The following RABGAP1L variants were observed in gnomAD, a reference collection of about 807,000 sequenced individuals.
RABGAP1L encodes rab GTPase-activating protein 1-like.
A neutral mutation model predicts 137.7 loss-of-function variants in RABGAP1L; 63 were observed. The ratio of observed to expected loss-of-function variants is 0.46; its 90% CI spans 0.37 to 0.56. The LOEUF (loss-of-function observed/expected upper bound fraction) is 0.56, where lower values mean the gene tolerates loss of function less well. RABGAP1L is among the 20% of genes least tolerant of loss of function. RABGAP1L has a pLI of 0.00. For synonymous variants in RABGAP1L, 431 were observed against 433.7 expected (o/e 0.99, Z 0.08); for missense variants, 1,095 against 1,244.0 (o/e 0.88, Z 1.80).
chr1:174,232,869 AC>A (rs1422732278), intron 4 of RABGAP1L, among the ~76,000 whole-genome samples: 1 of 151,826 alleles, frequency 6.6e-6, no homozygotes, highest in African/African-American at 2.4e-5. Context: ...GGCACTGTTG[AC>A]CTACTGCTCC....
At chr1:174,751,596 A>G (rs150401777) in intron 17 of RABGAP1L, among the ~76,000 whole-genome samples, 181 of 152,338 alleles carry the variant, frequency 1.2e-3, no homozygotes, top group African/African-American at 4.1e-3. Flanking sequence ...TTTTGAATTT[A>G]ATAACTCAAT....
intron 15 of RABGAP1L, among the ~76,000 whole-genome samples, chr1:174,690,490 G>A (rs1383834726): frequency 2.0e-5 from 3 of 151,990 alleles, no homozygotes; most frequent in Admixed American, 6.6e-5. Context: ...TATCAAATGG[G>A]GTCATGAATG....
chr1:174,796,137 T>A (rs1688224974), intron 18 of RABGAP1L, among the ~76,000 whole-genome samples: 1 of 152,206 alleles, frequency 6.6e-6, no homozygotes, highest in South Asian at 2.1e-4. Context: ...TTCTTTTCTC[T>A]TATTCCATTT....
chr1:174,759,603 A>G (rs549472092), intron 18 of RABGAP1L, among the ~76,000 whole-genome samples: 51 of 152,148 alleles, frequency 3.4e-4, no homozygotes, highest in Non-Finnish European at 6.8e-4. Flanking sequence ...TCCAAAAAAA[A>G]AAAAAGAAAA....
chr1:174,927,655 G>A (rs778854229), intron 19 of RABGAP1L, among the ~76,000 whole-genome samples: 6 of 152,124 alleles, frequency 3.9e-5, no homozygotes, highest in African/African-American at 1.4e-4. Flanking sequence ...AGGTTCAAGC[G>A]ATTTTCCTGC....
intron 21 of RABGAP1L, 93 bp from the exon 22 acceptor site, chr1:174,975,985 C>A: frequency 2.6e-6 from 3 of 1,150,222 alleles, no homozygotes; most frequent in Non-Finnish European, 3.8e-6. Flanking sequence ...TTTGGAACAG[C>A]AACTGAAGAT....
chr1:174,804,241 G>T (rs1689030384), intron 18 of RABGAP1L, among the ~76,000 whole-genome samples: 1 of 135,394 alleles, frequency 7.4e-6, no homozygotes, highest in Admixed American at 7.5e-5. Context: ...TTTCCCTGCG[G>T]ATGTTTTTTT....
At chr1:174,318,390 A>G (rs1679597426) in intron 11 of RABGAP1L, among the ~76,000 whole-genome samples, 1 of 152,148 alleles carries the variant, frequency 6.6e-6, no homozygotes, top group African/African-American at 2.4e-5. Context: ...AGTTTCAGGT[A>G]AACTTTTCTC....
intron 19 of RABGAP1L, among the ~76,000 whole-genome samples, chr1:174,949,568 G>C (rs968581154): frequency 6.6e-6 from 1 of 152,112 alleles, no homozygotes; most frequent in Non-Finnish European, 1.5e-5. Flanking sequence ...GGTAGAAGGT[G>C]GGGTATTAGT....
At chr1:174,339,637 C>T (rs1681792400) in intron 11 of RABGAP1L, among the ~76,000 whole-genome samples, 1 of 151,644 alleles carries the variant, frequency 6.6e-6, no homozygotes, top group South Asian at 2.1e-4. Flanking sequence ...GACGGAGTCT[C>T]ACTCTATTGC....
chr1:174,302,753 C>A (rs1004201490), intron 10 of RABGAP1L, among the ~76,000 whole-genome samples: 9 of 152,146 alleles, frequency 5.9e-5, no homozygotes, highest in African/African-American at 2.2e-4. Flanking sequence ...CAAATGTTTT[C>A]TTGCCCTCTC....
At chr1:174,579,437 G>A (rs1041559779) in intron 13 of RABGAP1L, among the ~76,000 whole-genome samples, 4 of 152,098 alleles carry the variant, frequency 2.6e-5, no homozygotes, top group Admixed American at 6.6e-5. Flanking sequence ...TTTAAATTAC[G>A]TATGTGTATG....
chr1:174,866,959 G>A (rs575779992), intron 19 of RABGAP1L, among the ~76,000 whole-genome samples: 2 of 152,044 alleles, frequency 1.3e-5, no homozygotes, highest in African/African-American at 4.8e-5. Flanking sequence ...GGGAGTGGTG[G>A]CGCTTGTAGT....
chr1:174,173,847 A>G (rs1665609747), intron 1 of RABGAP1L, among the ~76,000 whole-genome samples: 1 of 152,162 alleles, frequency 6.6e-6, no homozygotes, highest in Admixed American at 6.5e-5. Flanking sequence ...GCTGTCTGGA[A>G]TATCTGAGTT....
At chr1:174,637,330 C>T in intron 13 of RABGAP1L, 45 bp from the exon 14 acceptor site, 1 of 1,355,388 alleles carries the variant, frequency 7.4e-7, no homozygotes, top group Non-Finnish European at 1.0e-6. Context: ...TATTTCATAA[C>T]TGGGAAAAAA....
intron 14 of RABGAP1L, among the ~76,000 whole-genome samples, chr1:174,662,507 T>C (rs1305159518): frequency 6.6e-6 from 1 of 152,056 alleles, no homozygotes; most frequent in Non-Finnish European, 1.5e-5. Context: ...AAACTCCACC[T>C]CCCAGGCTCA....
At chr1:174,226,335 C>T (rs536311028) in intron 3 of RABGAP1L, among the ~76,000 whole-genome samples, 1 of 152,208 alleles carries the variant, frequency 6.6e-6, no homozygotes, top group East Asian at 1.9e-4. Flanking sequence ...CCAAAGTGGG[C>T]GGATCACTTG....
intron 19 of RABGAP1L, among the ~76,000 whole-genome samples, chr1:174,832,537 G>A (rs1692220106): frequency 6.8e-6 from 1 of 147,938 alleles, no homozygotes; most frequent in Admixed American, 6.7e-5. Context: ...CTTCCCCACA[G>A]AGAGTTGGTG....
At chr1:174,596,395 C>T (rs1182872503) in intron 13 of RABGAP1L, among the ~76,000 whole-genome samples, 4 of 152,122 alleles carry the variant, frequency 2.6e-5, no homozygotes, top group Admixed American at 2.6e-4. Flanking sequence ...CAGTTTCTTT[C>T]ATCAGTGTTT....
Sources: gnomAD v4.1 joint callset for allele counts (sites outside exome capture counted in the v4.1 genomes callset) on GRCh38, gnomAD v4.1.1 for gene constraint, MANE v1.5 for transcripts, NCBI Gene and HGNC (gene_info 2026-07-23, HGNC 2026-07-21) for gene names.